The following RIC8B variants were observed in gnomAD, a reference collection of about 807,000 sequenced individuals.
RIC8B encodes chaperone Ric-8B.
In RIC8B, 16 loss-of-function variants were observed where a neutral mutation model predicts 57.5. The ratio of observed to expected loss-of-function variants is 0.28; its 90% CI spans 0.19 to 0.42. RIC8B has a LOEUF of 0.42. RIC8B is among the 10% of genes least tolerant of loss of function. RIC8B has a pLI of 1.00. For missense variants in RIC8B, 481 were observed against 677.0 expected (o/e 0.71, Z 3.21); for synonymous variants, 216 against 250.8 (o/e 0.86, Z 1.31).
In RIC8B at chr12:106,887,649, CAAAG is replaced by C. The variant is rs1408089257; in HGVS notation, c.*1640_*1643del. 6.6e-6 allele frequency: 1 copy of C among 152,000 alleles called. No homozygotes were observed. The highest frequency in any genetic ancestry group is 1.5e-5 in the Non-Finnish European group (1 of 68,012). The allele number at this position is 152,000 out of a possible 1,614,324, so 9.4% of individuals were successfully genotyped here. ...GGCTTTGAAGCTCACAAAAGAATGG[CAAAG>C]AAAGAGGCTGCTAGATTGAAGGCAG... On this transcript the variant is annotated 3_prime_UTR_variant, in exon 10 of 10. Coordinates refer to ENST00000392837, the MANE Select transcript of RIC8B (RefSeq NM_001330145.2).
At chr12:106,848,394 C>G (rs1281381978) in intron 6 of RIC8B, among the ~76,000 whole-genome samples, 1 of 152,134 alleles carries the variant, frequency 6.6e-6, no homozygotes, top group Non-Finnish European at 1.5e-5. Context: ...AGATGAGAAG[C>G]CATGGGAACT....
At chr12:106,842,537 A>T in intron 4 of RIC8B, 52 bp from the exon 5 acceptor site, 2 of 1,387,102 alleles carry the variant, frequency 1.4e-6, no homozygotes, top group Non-Finnish European at 2.0e-6. Flanking sequence ...TTTGCATTTT[A>T]AAGGACTATT....
At chr12:106,825,854 G>A (rs1032172812) in intron 4 of RIC8B, 34 bp downstream of exon 4, 2 of 1,384,844 alleles carry the variant, frequency 1.4e-6, no homozygotes, top group Admixed American at 1.7e-5. Flanking sequence ...CCCAATGAAG[G>A]ACATCATCAG....
intron 1 of RIC8B, among the ~76,000 whole-genome samples, chr12:106,776,873 G>A (rs975273052): frequency 3.3e-5 from 5 of 152,114 alleles, no homozygotes; most frequent in East Asian, 1.9e-4. Flanking sequence ...AGAAGAAAGC[G>A]CTCCCTTCTT....
chr12:106,885,823 G>A, intron 9 of RIC8B, 81 bp from the exon 10 acceptor site: 1 of 841,704 alleles, frequency 1.2e-6, no homozygotes, highest in South Asian at 1.6e-5. Flanking sequence ...TTAAAAGGTT[G>A]TGGATTTGGG....
chr12:106,826,476 G>T (rs569611687), intron 4 of RIC8B, among the ~76,000 whole-genome samples: 1 of 152,142 alleles, frequency 6.6e-6, no homozygotes, highest in Non-Finnish European at 1.5e-5. Context: ...AAAATAGGCC[G>T]GGTGTGGTGG....
intron 6 of RIC8B, among the ~76,000 whole-genome samples, chr12:106,844,513 A>T (rs1949099430): frequency 6.6e-6 from 1 of 152,212 alleles, no homozygotes; most frequent in South Asian, 2.1e-4. Flanking sequence ...TGGTAGATAA[A>T]GAGAGGTAAC....
chr12:106,860,018 T>C (rs537131876), intron 7 of RIC8B, among the ~76,000 whole-genome samples: 1 of 152,208 alleles, frequency 6.6e-6, no homozygotes, highest in South Asian at 2.1e-4. Context: ...GAGGCCCCAC[T>C]TTTGCCATAA....
chr12:106,793,235 A>C (rs1264557177), intron 2 of RIC8B, among the ~76,000 whole-genome samples: 2 of 152,190 alleles, frequency 1.3e-5, no homozygotes, highest in Non-Finnish European at 2.9e-5. Context: ...TGTCAGCCCT[A>C]AAGTGAGGGT....
intron 9 of RIC8B, among the ~76,000 whole-genome samples, chr12:106,874,284 A>G (rs1321951400): frequency 6.6e-6 from 1 of 151,690 alleles, no homozygotes; most frequent in African/African-American, 2.4e-5. Context: ...CCTCCCTTTC[A>G]CTCTAGGACG....
chr12:106,784,257 A>AC (rs2043895800), intron 2 of RIC8B, among the ~76,000 whole-genome samples: 1 of 152,198 alleles, frequency 6.6e-6, no homozygotes. Context: ...AGGACTATTA[A>AC]CACTTGTATA....
chr12:106,784,571 G>T (rs1405831759), intron 2 of RIC8B, among the ~76,000 whole-genome samples: 2 of 152,120 alleles, frequency 1.3e-5, no homozygotes, highest in African/African-American at 4.8e-5. Context: ...TGTTGCCCAT[G>T]CTGGTCTATT....
At chr12:106,826,527 G>A (rs1230881261) in intron 4 of RIC8B, among the ~76,000 whole-genome samples, 1 of 152,228 alleles carries the variant, frequency 6.6e-6, no homozygotes, top group Non-Finnish European at 1.5e-5. Context: ...TCCAAGGCCG[G>A]TGGATCACTT....
intron 9 of RIC8B, among the ~76,000 whole-genome samples, chr12:106,882,921 A>T (rs1199526351): frequency 6.6e-6 from 1 of 152,166 alleles, no homozygotes; most frequent in Non-Finnish European, 1.5e-5. Flanking sequence ...TCCATAATGA[A>T]ATCCTATAAT....
rs1247673804 is a variant in RIC8B at position 106,887,853 on chromosome 12, G to C, written c.*1838G>C. On this transcript the variant is annotated 3_prime_UTR_variant, in exon 10 of 10. Transcript: ENST00000392837. Reference sequence around the variant, plus strand: ...GACTACTTCCTATAATGGTGACCCTGAGTTTTTTTAAAAGAAGAAATTAAA... The same window carrying C: ...GACTACTTCCTATAATGGTGACCCTCAGTTTTTTTAAAAGAAGAAATTAAA... 5.9e-5 allele frequency: 9 copies of C among 152,298 alleles called. No homozygotes were observed. 9.4% of individuals were successfully genotyped at this position (152,298 alleles called of 1,614,324 possible). A position where few individuals can be genotyped will look rare whatever the true frequency, so the allele number is the denominator to read the frequency against.
chr12:106,849,217 C>T (rs1381764978), intron 6 of RIC8B, among the ~76,000 whole-genome samples: 1 of 151,896 alleles, frequency 6.6e-6, no homozygotes, highest in Non-Finnish European at 1.5e-5. Context: ...CAAAATATCT[C>T]ATATACCCCA....
intron 9 of RIC8B, chr12:106,872,910 C>T (rs1950504418): frequency 5.9e-6 from 3 of 509,584 alleles, no homozygotes; most frequent in Admixed American, 6.4e-5. Flanking sequence ...AAATAACTGC[C>T]TAAGACTACA....
intron 7 of RIC8B, among the ~76,000 whole-genome samples, chr12:106,852,556 T>C (rs949642309): frequency 3.3e-5 from 5 of 152,268 alleles, no homozygotes; most frequent in African/African-American, 1.2e-4. Context: ...AGAGGTATCA[T>C]GTGCCTGACA....
At chr12:106,798,237 T>G (rs115991959) in intron 2 of RIC8B, among the ~76,000 whole-genome samples, 2 of 152,198 alleles carry the variant, frequency 1.3e-5, no homozygotes, top group African/African-American at 4.8e-5. Context: ...TTTCAAATTT[T>G]GATCAGATGC....
Sources: gnomAD v4.1 joint callset for allele counts (sites outside exome capture counted in the v4.1 genomes callset) on GRCh38, gnomAD v4.1.1 for gene constraint, MANE v1.5 for transcripts, NCBI Gene and HGNC (gene_info 2026-07-23, HGNC 2026-07-21) for gene names.